Variants in VPS13B observed in about 807,000 individuals in gnomAD.
The protein encoded by VPS13B is vacuolar protein sorting 13 homolog B, also known as intermembrane lipid transfer protein VPS13B.
VPS13B carries 285 observed loss-of-function variants against 426.4 expected under a neutral mutation model. The observed-to-expected ratio is 0.67, with a 90% CI of 0.61 to 0.74. The LOEUF is 0.74. Ranked by LOEUF, VPS13B falls within the 30% of genes least tolerant of loss-of-function variation. The pLI, the probability that VPS13B is intolerant of heterozygous loss-of-function variation, is 0.00. For missense variants in VPS13B, 4,537 were observed against 4,782.6 expected (o/e 0.95, Z 1.51); for synonymous variants, 1,676 against 1,676.4 (o/e 1.00, Z 0.01).
At chr8:99,536,646 T>C in intron 30 of VPS13B, 1 of 534,562 alleles carries the variant, frequency 1.9e-6, no homozygotes, top group Non-Finnish European at 3.8e-6. Context: ...GTCATCCAAG[T>C]ATGGGTTTGA....
intron 17 of VPS13B, among the ~76,000 whole-genome samples, chr8:99,211,193 G>A (rs1163343183): frequency 1.3e-5 from 2 of 152,156 alleles, no homozygotes; most frequent in African/African-American, 4.8e-5. Flanking sequence ...AGGCATCTTT[G>A]TTTTCTTTTG....
intron 35 of VPS13B, among the ~76,000 whole-genome samples, chr8:99,691,034 G>T (rs1028249453): frequency 1.3e-5 from 2 of 152,128 alleles, no homozygotes. Context: ...GCCACAAAAT[G>T]GAATGAAGTA....
chr8:99,806,306 C>G (rs1813396979), intron 43 of VPS13B, among the ~76,000 whole-genome samples: 1 of 152,204 alleles, frequency 6.6e-6, no homozygotes, highest in African/African-American at 2.4e-5. Context: ...AGCATGTGTA[C>G]TACTTTGCAC....
chr8:99,272,616 C>A (rs905602927), intron 17 of VPS13B, among the ~76,000 whole-genome samples: 1 of 152,084 alleles, frequency 6.6e-6, no homozygotes, highest in Non-Finnish European at 1.5e-5. Flanking sequence ...TAATTCTCAC[C>A]TACCCTTAAG....
intron 24 of VPS13B, 77 bp downstream of exon 24, chr8:99,467,711 G>C (rs139497593): frequency 3.4e-6 from 5 of 1,462,352 alleles, no homozygotes; most frequent in Non-Finnish European, 4.8e-6. Context: ...TTGTTGAAGG[G>C]TTTCTCTTCT....
chr8:99,728,057 C>T (rs1246346609), intron 39 of VPS13B, among the ~76,000 whole-genome samples: 1 of 152,220 alleles, frequency 6.6e-6, no homozygotes, highest in African/African-American at 2.4e-5. Context: ...GTTGAGCCAA[C>T]ATCAGTATCC....
intron 33 of VPS13B, among the ~76,000 whole-genome samples, chr8:99,616,639 A>C (rs1488396157): frequency 6.6e-6 from 1 of 152,226 alleles, no homozygotes; most frequent in Non-Finnish European, 1.5e-5. Flanking sequence ...CATCCTGGCC[A>C]ACATGGTGAA....
chr8:99,197,705 T>C (rs1188227917), intron 17 of VPS13B, among the ~76,000 whole-genome samples: 2 of 152,284 alleles, frequency 1.3e-5, no homozygotes, highest in Admixed American at 6.5e-5. Context: ...TCTTAGTCTA[T>C]TGAAGGGTTT....
chr8:99,580,625 G>A (rs773302453), intron 33 of VPS13B, among the ~76,000 whole-genome samples: 222 of 152,092 alleles, frequency 1.5e-3, no homozygotes, highest in Non-Finnish European at 9.0e-4. Flanking sequence ...TGAGGTGGGC[G>A]GATTGCTTGA....
intron 19 of VPS13B, among the ~76,000 whole-genome samples, chr8:99,358,258 G>T (rs1812299306): frequency 6.6e-6 from 1 of 152,164 alleles, no homozygotes; most frequent in Non-Finnish European, 1.5e-5. Flanking sequence ...ATTACATTCA[G>T]AAGATGAGAA....
chr8:99,602,137 A>G (rs768862558), intron 33 of VPS13B, among the ~76,000 whole-genome samples: 1 of 152,182 alleles, frequency 6.6e-6, no homozygotes, highest in Admixed American at 6.5e-5. Flanking sequence ...TTTAGTTCTA[A>G]AATTTAAGTC....
intron 51 of VPS13B, among the ~76,000 whole-genome samples, chr8:99,824,610 T>C (rs1359532205): frequency 6.6e-6 from 1 of 152,026 alleles, no homozygotes; most frequent in Non-Finnish European, 1.5e-5. Flanking sequence ...TTTTTTTTAA[T>C]TATACTTTTA....
chr8:99,430,085 G>A (rs891961838), intron 21 of VPS13B, among the ~76,000 whole-genome samples: 7 of 151,944 alleles, frequency 4.6e-5, no homozygotes, highest in East Asian at 1.9e-4. Flanking sequence ...ACTGAGATCT[G>A]CATGGATCTC....
chr8:99,413,172 T>C (rs1348247478), intron 21 of VPS13B, among the ~76,000 whole-genome samples: 1 of 152,022 alleles, frequency 6.6e-6, no homozygotes, highest in Non-Finnish European at 1.5e-5. Flanking sequence ...AATTCGTCTT[T>C]GAATCCATAG....
chr8:99,792,805 C>T (rs571134846), intron 43 of VPS13B, among the ~76,000 whole-genome samples: 17 of 152,224 alleles, frequency 1.1e-4, no homozygotes, highest in Non-Finnish European at 2.1e-4. Flanking sequence ...AAACAGAGAA[C>T]GCAGCTAAGC....
chr8:99,445,809 T>C (rs1446170437), intron 23 of VPS13B, among the ~76,000 whole-genome samples: 1 of 152,176 alleles, frequency 6.6e-6, no homozygotes, highest in African/African-American at 2.4e-5. Context: ...TTTTCTTTTA[T>C]TTTTAAAACT....
intron 39 of VPS13B, among the ~76,000 whole-genome samples, chr8:99,722,874 T>C (rs1833188148): frequency 6.6e-6 from 1 of 152,184 alleles, no homozygotes; most frequent in Admixed American, 6.5e-5. Context: ...AACATGAAAA[T>C]ACGCATACAT....
In VPS13B at chr8:99,516,674, G is replaced by C. The variant is rs368978310; in HGVS notation, c.4634-4225G>C. On this transcript the variant is annotated intron_variant, in intron 29 of 61. Coordinates refer to ENST00000357162, the MANE Select transcript of VPS13B (RefSeq NM_152564.5). ...ATGGTGGCCCGGGCTTGTAGTCCCA[G>C]CTACTCAGGAGGCTGAGGTGGGAGA... Among the ~76,000 whole-genome samples, 15 of 150,860 alleles carry C rather than the reference G, an allele frequency of 9.9e-5. No homozygotes were observed. The East Asian group carries it at 2.8e-3, about 28-fold the overall frequency.
intron 4 of VPS13B, among the ~76,000 whole-genome samples, chr8:99,101,205 C>T (rs1846721903): frequency 1.3e-5 from 2 of 152,172 alleles, no homozygotes; most frequent in Admixed American, 1.3e-4. Context: ...GATCCCGGCT[C>T]ACTGCAAGCT....
Sources: gnomAD v4.1 joint callset for allele counts (sites outside exome capture counted in the v4.1 genomes callset) on GRCh38, gnomAD v4.1.1 for gene constraint, MANE v1.5 for transcripts, NCBI Gene and HGNC (gene_info 2026-07-23, HGNC 2026-07-21) for gene names.